Variants in FBXL17 observed in about 807,000 individuals in gnomAD.
The protein encoded by FBXL17 is F-box/LRR-repeat protein 17.
FBXL17 carries 22 observed loss-of-function variants against 66.2 expected under a neutral mutation model. The observed-to-expected ratio is 0.33, with a 90% CI of 0.24 to 0.47. The LOEUF is 0.47. FBXL17 is among the 20% of genes least tolerant of loss of function. The pLI, the probability that FBXL17 is intolerant of heterozygous loss-of-function variation, is 1.00. For missense variants in FBXL17, 878 were observed against 948.2 expected (o/e 0.93, Z 0.97); for synonymous variants, 474 against 400.5 (o/e 1.18, Z -2.19).
At chr5:107,941,755 T>C (rs891224044) in intron 7 of FBXL17, among the ~76,000 whole-genome samples, 1 of 152,134 alleles carries the variant, frequency 6.6e-6, no homozygotes, top group East Asian at 1.9e-4. Context: ...AGAAGGACCT[T>C]TCAGCATCAA....
intron 4 of FBXL17, among the ~76,000 whole-genome samples, chr5:108,345,588 T>G (rs1411252813): frequency 6.7e-6 from 1 of 150,288 alleles, no homozygotes; most frequent in East Asian, 1.9e-4. Flanking sequence ...GATACAATTA[T>G]TTTAAATAAC....
At chr5:108,177,909 ATGTATATATAT>A (rs1752852096) in intron 6 of FBXL17, among the ~76,000 whole-genome samples, 1 of 51,528 alleles carries the variant, frequency 1.9e-5, no homozygotes, top group Non-Finnish European at 4.6e-5. Flanking sequence ...AGAAAAAAAA[ATGTATATATAT>A]ATATATATAT....
chr5:107,861,042 A>G lies in FBXL17; in HGVS notation c.*678T>C, dbSNP rs1441075473. 2 of 152,230 alleles carry G rather than the reference A, an allele frequency of 1.3e-5. No homozygotes were observed. The highest frequency in any genetic ancestry group is 2.9e-5 in the Non-Finnish European group (2 of 68,048). The allele number at this position is 152,230 out of a possible 1,614,324, so 9.4% of individuals were successfully genotyped here. On this transcript the variant is annotated 3_prime_UTR_variant, in exon 9 of 9. Coordinates refer to ENST00000542267, the MANE Select transcript of FBXL17 (RefSeq NM_001163315.3). ...TATAATTAACTTTCGTGAGCTGGCCAGGAGAGTTCAGACTGTTGCCTCTAT... is the reference window on the plus strand; with the variant it reads ...TATAATTAACTTTCGTGAGCTGGCCGGGAGAGTTCAGACTGTTGCCTCTAT...
rs77381707 is a variant in FBXL17 at position 107,942,023 on chromosome 5, A to G, written c.1823-60844T>C. Among the ~76,000 whole-genome samples, 1,034 of 152,224 alleles carry G rather than the reference A, an allele frequency of 6.8e-3. 33 individuals carry two copies. The highest frequency in any genetic ancestry group is 0.057 in the Admixed American group (868 of 15,296). ...CTGCATGTGATAATGTCTGCCACCA[A>G]CTCAAAGGTACCATGTTGGTCCCTG... is the stretch of plus-strand genomic sequence containing the variant. On this transcript the variant is annotated intron_variant, in intron 7 of 8. Coordinates refer to ENST00000542267, the MANE Select transcript of FBXL17 (RefSeq NM_001163315.3).
intron 6 of FBXL17, among the ~76,000 whole-genome samples, chr5:108,052,112 CAAA>C (rs144705189): frequency 9.8e-6 from 1 of 102,194 alleles, no homozygotes; most frequent in African/African-American, 3.7e-5. Context: ...GACTTCGTCT[CAAA>C]AAAAAAAAAA....
chr5:107,929,126 G>T (rs895034824), intron 7 of FBXL17, among the ~76,000 whole-genome samples: 1 of 152,108 alleles, frequency 6.6e-6, no homozygotes. Flanking sequence ...GTGGTGAAAA[G>T]AAACTCACTG....
intron 4 of FBXL17, among the ~76,000 whole-genome samples, chr5:108,235,274 G>A (rs192574094): frequency 6.6e-6 from 1 of 152,254 alleles, no homozygotes; most frequent in Non-Finnish European, 1.5e-5. Flanking sequence ...CTAATTCAGA[G>A]CCTGAAAACA....
At chr5:108,265,571 T>A (rs887748909) in intron 4 of FBXL17, among the ~76,000 whole-genome samples, 1 of 152,172 alleles carries the variant, frequency 6.6e-6, no homozygotes, top group African/African-American at 2.4e-5. Context: ...CATTAAGAGA[T>A]AATGAAACCA....
intron 5 of FBXL17, among the ~76,000 whole-genome samples, chr5:108,214,456 C>T (rs1487550140): frequency 6.6e-6 from 1 of 151,626 alleles, no homozygotes; most frequent in African/African-American, 2.4e-5. Flanking sequence ...CAACCTCCAC[C>T]TCCCGGGTTC....
At chr5:108,018,348 G>C (rs982276233) in intron 7 of FBXL17, among the ~76,000 whole-genome samples, 11 of 152,118 alleles carry the variant, frequency 7.2e-5, no homozygotes, top group African/African-American at 2.7e-4. Flanking sequence ...TAGGGTAGGG[G>C]GGACACAGTC....
At chr5:108,189,093 C>T (rs1376077911) in intron 5 of FBXL17, among the ~76,000 whole-genome samples, 2 of 152,070 alleles carry the variant, frequency 1.3e-5, no homozygotes, top group African/African-American at 2.4e-5. Flanking sequence ...CTTTTATGAA[C>T]AGGAGACACC....
At chr5:107,997,504 G>C (rs998005338) in intron 7 of FBXL17, among the ~76,000 whole-genome samples, 2 of 152,086 alleles carry the variant, frequency 1.3e-5, no homozygotes, top group African/African-American at 4.8e-5. Flanking sequence ...AGTGCTTCTC[G>C]CTATTCATTA....
intron 7 of FBXL17, among the ~76,000 whole-genome samples, chr5:107,945,308 G>A (rs1221083344): frequency 1.3e-5 from 2 of 152,030 alleles, no homozygotes; most frequent in African/African-American, 4.8e-5. Flanking sequence ...TATACCTGAT[G>A]GTGAGAGTAT....
intron 4 of FBXL17, among the ~76,000 whole-genome samples, chr5:108,302,677 CT>C (rs1407047775): frequency 6.6e-6 from 1 of 151,616 alleles, no homozygotes; most frequent in Non-Finnish European, 1.5e-5. Context: ...TTTCTATTTT[CT>C]TAAATATTTC....
Position 108,381,011 on chromosome 5 carries a change from A to ACCGCCG in FBXL17, c.675_680dup (p.Gly230_Gly231dup), listed in dbSNP as rs906102490. On this transcript the variant is annotated inframe_insertion, in exon 1 of 9. Coordinates refer to ENST00000542267, the MANE Select transcript of FBXL17 (RefSeq NM_001163315.3). Reference sequence around the variant, plus strand: ...CTCCCCCCGCAGGCCCTCCCCCGCCACCGCCGCCGCCGCCGCCGCCGCAGC... The same window carrying ACCGCCG: ...CTCCCCCCGCAGGCCCTCCCCCGCCACCGCCGCCGCCGCCGCCGCCGCCGCCGCAGC... 2.2e-4 allele frequency: 254 copies of ACCGCCG among 1,180,700 alleles called. No individual in the cohort carries two copies. Among genetic ancestry groups the ACCGCCG allele is most frequent in the Middle Eastern group, 6.8e-4 (2 of 2,950 alleles). The allele number at this position is 1,180,700 out of a possible 1,614,324, so 73.1% of individuals were successfully genotyped here.
chr5:108,335,098 C>T (rs887802588), intron 4 of FBXL17, among the ~76,000 whole-genome samples: 3 of 151,968 alleles, frequency 2.0e-5, no homozygotes, highest in African/African-American at 7.3e-5. Context: ...ATTGATAGTA[C>T]TAGTTTTTAG....
intron 7 of FBXL17, among the ~76,000 whole-genome samples, chr5:107,953,500 G>A (rs1300629670): frequency 6.6e-6 from 1 of 151,668 alleles, no homozygotes; most frequent in Non-Finnish European, 1.5e-5. Context: ...TAGAACACAG[G>A]TCTCCAAAAC....
chr5:108,186,425 G>A (rs1379106941), intron 5 of FBXL17, among the ~76,000 whole-genome samples, 178 bp from the exon 6 acceptor site: 1 of 152,160 alleles, frequency 6.6e-6, no homozygotes, highest in African/African-American at 2.4e-5. Flanking sequence ...AATTAAGCAT[G>A]AGTGTAGTAT....
intron 7 of FBXL17, among the ~76,000 whole-genome samples, chr5:107,915,914 C>T (rs949077358): frequency 3.9e-5 from 6 of 152,164 alleles, no homozygotes; most frequent in South Asian, 2.1e-4. Context: ...TGCATGTTGC[C>T]GCATCTGTAT....
Sources: gnomAD v4.1 joint callset for allele counts (sites outside exome capture counted in the v4.1 genomes callset) on GRCh38, gnomAD v4.1.1 for gene constraint, MANE v1.5 for transcripts, NCBI Gene and HGNC (gene_info 2026-07-23, HGNC 2026-07-21) for gene names.